The following UTRN variants were observed in gnomAD, a reference collection of about 807,000 sequenced individuals.
UTRN encodes dystrophin-related protein 1.
Under a neutral mutation model 463.9 loss-of-function variants are expected in UTRN, and 283 were observed. The ratio of observed to expected loss-of-function variants is 0.61; its 90% CI spans 0.55 to 0.67. UTRN has a LOEUF of 0.67. Among genes scored for constraint, UTRN ranks in the 30% least tolerant of loss-of-function variants. The probability of loss-of-function intolerance (pLI) is 0.00; values close to 1 mark genes in which losing one functional copy is unlikely to be tolerated. For missense variants in UTRN, 3,922 were observed against 4,084.3 expected, an observed-to-expected ratio of 0.96 and a Z score of 1.08; for synonymous variants, 1,442 against 1,431.5, an observed-to-expected ratio of 1.01 and a Z score of -0.17.
intron 4 of UTRN, among the ~76,000 whole-genome samples, chr6:144,422,326 AGTT>A (rs1784899855): frequency 1.3e-5 from 2 of 152,214 alleles, no homozygotes; most frequent in South Asian, 4.1e-4. Flanking sequence ...TTTTTAAAAC[AGTT>A]GTTAAGGCTG....
intron 51 of UTRN, among the ~76,000 whole-genome samples, chr6:144,636,115 T>C (rs7742445): frequency 0.36 from 54,214 of 151,934 alleles, 9,845 homozygotes; most frequent in Middle Eastern, 0.49. Flanking sequence ...AAAGTTTCTA[T>C]TCCATCGAAG....
chr6:144,286,807 C>T lies in UTRN; in HGVS notation c.-93+986C>T, dbSNP rs185568227. On this transcript the variant is annotated intron_variant, in intron 1 of 74. Transcript: ENST00000367545. The surrounding 1 kb of genome is among the most constrained non-coding windows in gnomAD (Gnocchi z 4.4). ...GCTGTGGGACCAGCACTTTATTTTA[C>T]AAGGAACTGCAGAGCTCGGGTTCTA... 6.6e-6 allele frequency among the ~76,000 whole-genome samples: 1 copy of T among 152,066 alleles called. No individual in the cohort carries two copies. The highest frequency in any genetic ancestry group is 6.5e-5 in the Admixed American group (1 of 15,278).
chr6:144,396,342 G>A (rs1430213299), intron 2 of UTRN, among the ~76,000 whole-genome samples: 1 of 152,154 alleles, frequency 6.6e-6, no homozygotes, highest in Admixed American at 6.5e-5. Context: ...CATAGAAACG[G>A]ACAGTAGATT....
chr6:144,347,758 A>AGT lies in UTRN; in HGVS notation c.80-55353_80-55352dup, dbSNP rs542092201. On this transcript the variant is annotated intron_variant, in intron 2 of 74. Transcript: ENST00000367545. ...GGAAAGAGAATTTCATCAGGGGCTG[A>AGT]GTGTGTGTGTGTGAATGTGGATGTG... 5.4e-3 allele frequency among the ~76,000 whole-genome samples: 803 copies of AGT among 148,802 alleles called. 10 individuals carry two copies. The highest frequency in any genetic ancestry group is 0.042 in the South Asian group (197 of 4,704).
intron 30 of UTRN, 42 bp downstream of exon 30, chr6:144,488,876 C>G (rs1194859977): frequency 6.6e-7 from 1 of 1,505,602 alleles, no homozygotes; most frequent in Non-Finnish European, 8.9e-7. Flanking sequence ...GTAAAGAGAG[C>G]TTTTGTAATT....
intron 51 of UTRN, among the ~76,000 whole-genome samples, chr6:144,585,172 ACTG>A (rs1802346219): frequency 6.6e-6 from 1 of 151,858 alleles, no homozygotes; most frequent in African/African-American, 2.4e-5. Context: ...AAGTTAAGTC[ACTG>A]AAGTCATTGG....
chr6:144,480,572 A>G (rs142885607), intron 26 of UTRN, among the ~76,000 whole-genome samples: 23 of 152,294 alleles, frequency 1.5e-4, no homozygotes, highest in Non-Finnish European at 3.4e-4. Context: ...GGGAGTTCAT[A>G]TTAGTTGGAT....
chr6:144,518,332 C>T (rs1399770757), intron 39 of UTRN, among the ~76,000 whole-genome samples: 1 of 152,126 alleles, frequency 6.6e-6, no homozygotes, highest in Non-Finnish European at 1.5e-5. Context: ...GCTTTAAATG[C>T]AAGGTCTGTC....
intron 2 of UTRN, among the ~76,000 whole-genome samples, chr6:144,328,909 A>G (rs2982240): frequency 0.42 from 63,399 of 151,368 alleles, 14,962 homozygotes; most frequent in African/African-American, 0.65. Context: ...TCAGTCTCCC[A>G]AGTAGCTGGG....
At chr6:144,802,744 A>G (rs981974188) in intron 64 of UTRN, among the ~76,000 whole-genome samples, 4 of 152,130 alleles carry the variant, frequency 2.6e-5, no homozygotes, top group African/African-American at 9.7e-5. Flanking sequence ...TTTAAAATTC[A>G]TTTCTTATTG....
intron 51 of UTRN, among the ~76,000 whole-genome samples, chr6:144,674,458 AT>A (rs1475069640): frequency 1.3e-5 from 2 of 149,532 alleles, no homozygotes; most frequent in Non-Finnish European, 3.0e-5. Flanking sequence ...TGTATTTTGC[AT>A]TTCTCTGAGT....
intron 2 of UTRN, among the ~76,000 whole-genome samples, chr6:144,308,710 T>G (rs60318438): frequency 0.061 from 9,323 of 152,224 alleles, 937 homozygotes; most frequent in African/African-American, 0.21. Flanking sequence ...CCGTGTACAT[T>G]GTACCCATCC....
intron 12 of UTRN, among the ~76,000 whole-genome samples, 171 bp from the exon 13 acceptor site, chr6:144,440,181 G>A (rs1260743206): frequency 6.6e-6 from 1 of 152,206 alleles, no homozygotes; most frequent in Non-Finnish European, 1.5e-5. Context: ...ATAATGGAAT[G>A]TAAAGATGTA....
intron 23 of UTRN, among the ~76,000 whole-genome samples, chr6:144,468,591 AATGTGT>A (rs1164784121): frequency 1.3e-5 from 2 of 150,298 alleles, no homozygotes; most frequent in African/African-American, 4.9e-5. Context: ...CCCTTAAAGA[AATGTGT>A]GTGTGTGTGT....
chr6:144,828,946 C>A, intron 69 of UTRN, 91 bp downstream of exon 69: 1 of 1,414,640 alleles, frequency 7.1e-7, no homozygotes. Flanking sequence ...GGCTCTGAAT[C>A]TTGATCCCAA....
In UTRN at chr6:144,385,682, TAA is replaced by T. The variant is rs377107841; in HGVS notation, c.80-17439_80-17438del. ...GTCAGACTCACAGTAGACTATTAAA[TAA>T]AGACAGTGCTGCCAGAACTCTATTT... is the stretch of plus-strand genomic sequence containing the variant. On this transcript the variant is annotated intron_variant, in intron 2 of 74. Coordinates refer to ENST00000367545, the MANE Select transcript of UTRN (RefSeq NM_007124.3). Among the ~76,000 whole-genome samples, 98 of 151,880 alleles carry T rather than the reference TAA, an allele frequency of 6.5e-4. No homozygotes were observed. In the East Asian group the frequency reaches 0.014, roughly 22 times the overall value.
intron 3 of UTRN, among the ~76,000 whole-genome samples, chr6:144,413,440 G>A (rs957763695): frequency 1.3e-5 from 2 of 152,136 alleles, no homozygotes; most frequent in African/African-American, 2.4e-5. Context: ...GCAAAGTCAC[G>A]TCTTGCATGG....
intron 2 of UTRN, among the ~76,000 whole-genome samples, chr6:144,345,674 A>G (rs1777504512): frequency 6.6e-6 from 1 of 152,120 alleles, no homozygotes; most frequent in Non-Finnish European, 1.5e-5. Flanking sequence ...CCTTGTCTCA[A>G]AAACCTGCAT....
chr6:144,297,332 GA>G (rs1237535864), intron 2 of UTRN, among the ~76,000 whole-genome samples: 3 of 152,166 alleles, frequency 2.0e-5, no homozygotes, highest in African/African-American at 7.2e-5. Context: ...CAAGCCTCCT[GA>G]AAATCTGCTA....
Sources: allele counts gnomAD v4.1 joint callset (sites outside exome capture counted in the v4.1 genomes callset), GRCh38; gene constraint gnomAD v4.1.1; non-coding constraint Gnocchi (gnomAD v3.1); transcripts MANE v1.5; gene names NCBI Gene and HGNC (gene_info 2026-07-23, HGNC 2026-07-21).